MAN1C1: variants seen among roughly 807,000 people sequenced by gnomAD.
MAN1C1 encodes mannosidase alpha class 1C member 1.
Under a neutral mutation model 71.5 loss-of-function variants are expected in MAN1C1, and 49 were observed. That is an observed-to-expected ratio of 0.69 (90% CI 0.54 to 0.87). The LOEUF is 0.87. Ranked by LOEUF, MAN1C1 falls within the 40% of genes least tolerant of loss-of-function variation. The pLI is 0.00. For missense variants in MAN1C1, 743 were observed against 835.0 expected (o/e 0.89, Z 1.36); for synonymous variants, 352 against 343.7 (o/e 1.02, Z -0.27).
rs778038134 is a variant in MAN1C1 at position 25,782,648 on chromosome 1, A to G, written c.1714A>G (p.Thr572Ala). 4 of 1,613,918 alleles carry G rather than the reference A, an allele frequency of 2.5e-6. No individual in the cohort carries two copies. Reference protein sequence around the residue: ...FSGIQDVYSSTPNHDNKQQSF... With the variant: ...FSGIQDVYSSAPNHDNKQQSF... The stretch of plus-strand genomic sequence containing the variant: ...TGGGATCCAAGACGTGTACAGTAGC[A>G]CCCCCAACCACGACAACAAGCAGCA... The change falls in exon 11 of 12, where the codon ACC becomes GCC. Residue 572 changes from threonine (T) to alanine (A), a missense_variant. Thr to Ala is a moderately conservative substitution (Grantham distance 58). Transcript: ENST00000374332. This position sits in a 1 kb window ranked among gnomAD's most constrained non-coding sequence, Gnocchi z 4.4.
chr1:25,629,032 T>C (rs917138463), intron 1 of MAN1C1, among the ~76,000 whole-genome samples: 1 of 152,224 alleles, frequency 6.6e-6, no homozygotes, highest in African/African-American at 2.4e-5. Context: ...TCTTTGCAAT[T>C]GTGAATTGTG....
chr1:25,625,363 A>G (rs1177125374), intron 1 of MAN1C1, among the ~76,000 whole-genome samples: 1 of 152,184 alleles, frequency 6.6e-6, no homozygotes, highest in African/African-American at 2.4e-5. Flanking sequence ...AACCGTGTAG[A>G]CCACAGTTGT....
At chr1:25,699,942 A>G (rs2046416970) in intron 2 of MAN1C1, among the ~76,000 whole-genome samples, 1 of 152,206 alleles carries the variant, frequency 6.6e-6, no homozygotes, top group Non-Finnish European at 1.5e-5. Context: ...TCTCCCAAGC[A>G]TAAACGGTCA....
In MAN1C1 at chr1:25,753,731, T is replaced by G. The variant is rs2124355224; in HGVS notation, c.929+153T>G. ...GGGACCACCTCTGTTGAACCCGTTC[T>G]TTTATGATGTAGAAACTGAGGCACA... On this transcript the variant is annotated intron_variant, in intron 5 of 11. Coordinates refer to ENST00000374332, the MANE Select transcript of MAN1C1 (RefSeq NM_020379.4). This position sits in a 1 kb window ranked among gnomAD's most constrained non-coding sequence, Gnocchi z 4.9. Among the ~76,000 whole-genome samples, 1 of 152,292 alleles carries G rather than the reference T, an allele frequency of 6.6e-6. No homozygotes were observed. Among genetic ancestry groups the G allele is most frequent in the Middle Eastern group, 3.4e-3 (1 of 294 alleles).
chr1:25,638,785 T>G (rs1353127774), intron 1 of MAN1C1, among the ~76,000 whole-genome samples: 6 of 152,150 alleles, frequency 3.9e-5, no homozygotes, highest in African/African-American at 1.4e-4. Context: ...TCCCTTTGGA[T>G]GCTATAAGAT....
chr1:25,695,718 C>T (rs2046361291), intron 2 of MAN1C1, among the ~76,000 whole-genome samples: 1 of 152,234 alleles, frequency 6.6e-6, no homozygotes, highest in Non-Finnish European at 1.5e-5. Context: ...TTTCCACTAG[C>T]ACAGAGCATA....
At chr1:25,628,599 C>T (rs887266438) in intron 1 of MAN1C1, among the ~76,000 whole-genome samples, 4 of 152,194 alleles carry the variant, frequency 2.6e-5, no homozygotes, top group African/African-American at 4.8e-5. Flanking sequence ...TGAGCCACCA[C>T]ACCCAGCCAT....
chr1:25,628,062 G>A (rs1289792428), intron 1 of MAN1C1, among the ~76,000 whole-genome samples: 1 of 151,894 alleles, frequency 6.6e-6, no homozygotes, highest in Non-Finnish European at 1.5e-5. Flanking sequence ...CTGAGATTTT[G>A]ACTGAGTTTG....
chr1:25,763,947 T>C lies in MAN1C1; in HGVS notation c.1121T>C (p.Val374Ala), dbSNP rs772547875. Residue 374 changes from valine (V) to alanine (A), a missense_variant, in exon 7 of 12, where the codon GTG (valine) becomes GCG (alanine). Coordinates refer to ENST00000374332, the MANE Select transcript of MAN1C1 (RefSeq NM_020379.4). ...CTCTACCCCAACTTCCTCAGCCCAGTGAGTGGGAACTGGGTGCAACGTGAG... is the reference window on the plus strand; with the variant it reads ...CTCTACCCCAACTTCCTCAGCCCAGCGAGTGGGAACTGGGTGCAACGTGAG... ...FGLYPNFLSPVSGNWVQHHVS... is the reference protein window; with the variant it reads ...FGLYPNFLSPASGNWVQHHVS... 1.0e-4 allele frequency: 166 copies of C among 1,613,694 alleles called. No homozygotes were observed. Among genetic ancestry groups the C allele is most frequent in the Non-Finnish European group, 1.4e-4 (161 of 1,179,954 alleles).
intron 1 of MAN1C1, among the ~76,000 whole-genome samples, chr1:25,651,532 T>C (rs2045692822): frequency 1.3e-5 from 2 of 152,234 alleles, no homozygotes; most frequent in Non-Finnish European, 2.9e-5. Flanking sequence ...CTCAAAGAAG[T>C]ATCCAGCCTT....
At chr1:25,693,640 G>T (rs2046334915) in intron 2 of MAN1C1, among the ~76,000 whole-genome samples, 1 of 152,128 alleles carries the variant, frequency 6.6e-6, no homozygotes, top group Non-Finnish European at 1.5e-5. Flanking sequence ...CGGAAAAAAA[G>T]AGAAAATTTG....
At chr1:25,682,113 AAAAC>A (rs1282829027) in intron 1 of MAN1C1, among the ~76,000 whole-genome samples, 4 of 152,338 alleles carry the variant, frequency 2.6e-5, no homozygotes, top group Middle Eastern at 3.4e-3. Context: ...GAATGACATC[AAAAC>A]AAACAAACAA....
At chr1:25,683,260 G>A (rs1051073716) in intron 1 of MAN1C1, among the ~76,000 whole-genome samples, 1 of 152,104 alleles carries the variant, frequency 6.6e-6, no homozygotes, top group Non-Finnish European at 1.5e-5. Flanking sequence ...TTGTTCATCT[G>A]TCCACGAAGC....
intron 2 of MAN1C1, among the ~76,000 whole-genome samples, chr1:25,726,080 G>A (rs368707495): frequency 1.3e-5 from 2 of 152,220 alleles, no homozygotes; most frequent in Non-Finnish European, 2.9e-5. Flanking sequence ...ACACTGCTCC[G>A]ACTGTAGCCC....
At chr1:25,693,846 A>G (rs75658685) in intron 2 of MAN1C1, among the ~76,000 whole-genome samples, 2,679 of 152,228 alleles carry the variant, frequency 0.018, 33 homozygotes, top group Non-Finnish European at 0.026. Flanking sequence ...CTCTGCACCT[A>G]ATTTCCCCAT....
intron 2 of MAN1C1, among the ~76,000 whole-genome samples, chr1:25,722,144 G>A (rs1461971531): frequency 6.6e-6 from 1 of 152,194 alleles, no homozygotes; most frequent in Admixed American, 6.5e-5. Context: ...TGAGAAACCT[G>A]ATGCCATTTT....
intron 1 of MAN1C1, among the ~76,000 whole-genome samples, chr1:25,684,791 A>G (rs2046205382): frequency 6.6e-6 from 1 of 152,204 alleles, no homozygotes; most frequent in South Asian, 2.1e-4. Context: ...GCTGGGAGAG[A>G]GGAGGGGAAA....
At chr1:25,668,549 T>A (rs1030791918) in intron 1 of MAN1C1, among the ~76,000 whole-genome samples, 24 of 141,554 alleles carry the variant, frequency 1.7e-4, no homozygotes, top group Admixed American at 6.4e-4. Flanking sequence ...CCTTCTACTT[T>A]TCTTTCTTTC....
intron 2 of MAN1C1, among the ~76,000 whole-genome samples, chr1:25,694,220 T>C (rs997795614): frequency 2.0e-5 from 3 of 152,072 alleles, no homozygotes; most frequent in Non-Finnish European, 4.4e-5. Context: ...CGTCACAGAG[T>C]ACACTCCGAA....
Sources: allele counts gnomAD v4.1 joint callset (sites outside exome capture counted in the v4.1 genomes callset), GRCh38; gene constraint gnomAD v4.1.1; non-coding constraint Gnocchi (gnomAD v3.1); transcripts MANE v1.5; gene names NCBI Gene and HGNC (gene_info 2026-07-23, HGNC 2026-07-21).